Variants in HLCS observed in about 807,000 individuals in gnomAD.
HLCS encodes holocarboxylase synthetase.
HLCS carries 53 observed loss-of-function variants against 75.0 expected under a neutral mutation model. The ratio of observed to expected loss-of-function variants is 0.71; its 90% CI spans 0.57 to 0.89. HLCS has a LOEUF of 0.89. Among genes scored for constraint, HLCS ranks in the 40% least tolerant of loss-of-function variants. The probability of loss-of-function intolerance (pLI) is 0.00; values close to 1 mark genes in which losing one functional copy is unlikely to be tolerated. For synonymous variants in HLCS, 431 were observed against 428.6 expected (o/e 1.01, Z -0.07); for missense variants, 966 against 1,074.0 (o/e 0.90, Z 1.41).
Position 36,876,290 on chromosome 21 carries a change from A to G in HLCS, c.1892+20570T>C, listed in dbSNP as rs565100881. Among the ~76,000 whole-genome samples the G allele has an allele frequency of 1.5e-4, 23 of 152,294 alleles. No homozygotes were observed. The South Asian group carries it at 4.6e-3, about 30-fold the overall frequency. ...ACCAGCCACAGAGGTTTCTGGCTGG[A>G]AAAGCAATACTCTAAGGATCCTGTG... On this transcript the variant is annotated intron_variant, in intron 6 of 10. Transcript: ENST00000674895.
chr21:36,803,709 A>C (rs1434124134), intron 6 of HLCS, among the ~76,000 whole-genome samples: 1 of 151,670 alleles, frequency 6.6e-6, no homozygotes. Flanking sequence ...ATAAGGTGAA[A>C]AAAACTTCCA....
chr21:36,986,065 C>T (rs936518239), intron 1 of HLCS, among the ~76,000 whole-genome samples: 1 of 152,130 alleles, frequency 6.6e-6, no homozygotes, highest in Non-Finnish European at 1.5e-5. Context: ...ATGTAATCCC[C>T]AGTGCAACAG....
intron 6 of HLCS, among the ~76,000 whole-genome samples, chr21:36,879,456 A>G (rs1226361842): frequency 6.6e-6 from 1 of 152,222 alleles, no homozygotes; most frequent in Admixed American, 6.5e-5. Flanking sequence ...CAGAAGATTA[A>G]CATGATTCAT....
chr21:36,959,939 T>C (rs2061317340), intron 2 of HLCS, among the ~76,000 whole-genome samples: 1 of 152,186 alleles, frequency 6.6e-6, no homozygotes, highest in South Asian at 2.1e-4. Context: ...AGAAGAACTG[T>C]GGCCCTTTAA....
chr21:36,808,586 C>T (rs1184111074), intron 6 of HLCS, among the ~76,000 whole-genome samples: 1 of 152,186 alleles, frequency 6.6e-6, no homozygotes, highest in African/African-American at 2.4e-5. Context: ...TACCTTACAG[C>T]TGTTACATGT....
rs371312813 is a variant in HLCS at position 36,779,877 on chromosome 21, GTA to G, written c.1893-12594_1893-12593del. On this transcript the variant is annotated intron_variant, in intron 6 of 10. Coordinates refer to ENST00000674895, the MANE Select transcript of HLCS (RefSeq NM_001352514.2). ...CAGAGTCGGAACTGTACACAGACAA[GTA>G]TACTCCGAGAAGTGTCACACTCCCC... Among the ~76,000 whole-genome samples, 58 of 152,096 alleles carry G rather than the reference GTA, an allele frequency of 3.8e-4. 1 individual carries two copies. The East Asian group carries it at 9.1e-3, about 24-fold the overall frequency.
intron 1 of HLCS, among the ~76,000 whole-genome samples, chr21:36,976,487 G>A (rs1052275140): frequency 6.6e-6 from 1 of 152,112 alleles, no homozygotes; most frequent in Non-Finnish European, 1.5e-5. Context: ...GGGAGGCTGA[G>A]GCAGCAGAAT....
chr21:36,780,957 A>G (rs2060511847), intron 6 of HLCS, among the ~76,000 whole-genome samples: 1 of 59,630 alleles, frequency 1.7e-5, no homozygotes, highest in Non-Finnish European at 3.1e-5. Context: ...CAGGCTGCAC[A>G]GCAGGAGGTG....
chr21:36,872,340 G>A (rs908255169), intron 6 of HLCS, among the ~76,000 whole-genome samples: 3 of 150,002 alleles, frequency 2.0e-5, no homozygotes, highest in East Asian at 2.0e-4. Context: ...GCAGTGAGCC[G>A]AGATCGCACC....
Position 36,888,445 on chromosome 21 carries a change from AATATATATATAT to A in HLCS, c.1892+8403_1892+8414del, listed in dbSNP as rs71198839. Among the ~76,000 whole-genome samples the A allele has an allele frequency of 4.3e-3, 103 of 24,070 alleles. 1 individual carries two copies. Among genetic ancestry groups the A allele is most frequent in the African/African-American group, 8.8e-3 (69 of 7,876 alleles). 15.8% of individuals were successfully genotyped at this position (24,070 alleles called of 152,430 possible). A position where few individuals can be genotyped will look rare whatever the true frequency, so the allele number is the denominator to read the frequency against. On this transcript the variant is annotated intron_variant, in intron 6 of 10. Transcript: ENST00000674895. The stretch of plus-strand genomic sequence containing the variant: ...CCCCTTCCCATTTAAAAAAAAAAAA[AATATATATATAT>A]ATATATATATATATATATATATATA...
chr21:36,789,960 G>T (rs2060807797), intron 6 of HLCS, among the ~76,000 whole-genome samples: 1 of 152,138 alleles, frequency 6.6e-6, no homozygotes, highest in Non-Finnish European at 1.5e-5. Flanking sequence ...TGGTATCAAT[G>T]GGTCAAGGAT....
At chr21:36,789,421 A>G (rs2060792376) in intron 6 of HLCS, among the ~76,000 whole-genome samples, 1 of 152,234 alleles carries the variant, frequency 6.6e-6, no homozygotes, top group Non-Finnish European at 1.5e-5. Context: ...TTAATTAACT[A>G]AAATTATACC....
At chr21:36,912,071 C>CA (rs71328522) in intron 5 of HLCS, among the ~76,000 whole-genome samples, 25,141 of 83,418 alleles carry the variant, frequency 0.3, 2,648 homozygotes, top group Middle Eastern at 0.44. Flanking sequence ...AACTCCGTCT[C>CA]AAAAAAAAAA....
At chr21:36,925,543 C>T (rs144654859) in intron 5 of HLCS, among the ~76,000 whole-genome samples, 4 of 152,290 alleles carry the variant, frequency 2.6e-5, no homozygotes, top group East Asian at 1.9e-4. Context: ...GTAAAGGTGC[C>T]GACCTTCCTA....
chr21:36,790,208 A>G (rs149631240), intron 6 of HLCS, among the ~76,000 whole-genome samples: 130 of 152,328 alleles, frequency 8.5e-4, no homozygotes, highest in Middle Eastern at 6.8e-3. Context: ...GATCAAGACC[A>G]TCCTAGCCAA....
chr21:36,848,470 T>C (rs1017377676), intron 6 of HLCS, among the ~76,000 whole-genome samples: 14 of 152,094 alleles, frequency 9.2e-5, no homozygotes, highest in African/African-American at 3.1e-4. Context: ...GATTTTACCA[T>C]GTTGGCCAGG....
chr21:36,797,484 C>G (rs2061062973), intron 6 of HLCS, among the ~76,000 whole-genome samples: 1 of 152,106 alleles, frequency 6.6e-6, no homozygotes. Context: ...GAGGGGAGAA[C>G]TAATGATTAA....
intron 6 of HLCS, among the ~76,000 whole-genome samples, chr21:36,818,786 C>G (rs943684665): frequency 3.3e-5 from 5 of 152,112 alleles, no homozygotes; most frequent in Admixed American, 3.3e-4. Flanking sequence ...GATAATTTAG[C>G]CATTTATCAA....
chr21:36,775,703 T>C (rs35280101), intron 6 of HLCS, among the ~76,000 whole-genome samples: 152,309 of 152,310 alleles, frequency 1, 76,154 homozygotes, highest in Middle Eastern at 1. Flanking sequence ...TATGTCCATT[T>C]TTCTACAACT....
Sources: gnomAD v4.1 joint callset for allele counts (sites outside exome capture counted in the v4.1 genomes callset) on GRCh38, gnomAD v4.1.1 for gene constraint, MANE v1.5 for transcripts, NCBI Gene and HGNC (gene_info 2026-07-23, HGNC 2026-07-21) for gene names.